Variants in PDS5B observed in about 807,000 individuals in gnomAD.
PDS5B encodes sister chromatid cohesion protein PDS5 homolog B.
In PDS5B, 51 loss-of-function variants were observed where a neutral mutation model predicts 184.1. That is an observed-to-expected ratio of 0.28 (90% confidence interval 0.22 to 0.35). PDS5B has a LOEUF of 0.35. Ranked by LOEUF, PDS5B falls within the 10% of genes least tolerant of loss-of-function variation. The probability of loss-of-function intolerance (pLI) is 1.00; values close to 1 mark genes in which losing one functional copy is unlikely to be tolerated. For synonymous variants in PDS5B, 566 were observed against 569.2 expected (o/e 0.99, Z 0.08); for missense variants, 1,180 against 1,723.3 (o/e 0.68, Z 5.58).
intron 21 of PDS5B, among the ~76,000 whole-genome samples, chr13:32,738,804 T>C (rs1380427723): frequency 6.6e-6 from 1 of 152,058 alleles, no homozygotes; most frequent in Non-Finnish European, 1.5e-5. Context: ...CCCGAGTAGC[T>C]GGGACTACAG....
intron 1 of PDS5B, among the ~76,000 whole-genome samples, chr13:32,628,571 T>C (rs1453630408): frequency 6.6e-6 from 1 of 150,910 alleles, no homozygotes; most frequent in Non-Finnish European, 1.5e-5. Flanking sequence ...AAAAAAATTA[T>C]GCTCTATACT....
chr13:32,605,486 T>C (rs1293701590), intron 1 of PDS5B, among the ~76,000 whole-genome samples: 1 of 152,230 alleles, frequency 6.6e-6, no homozygotes, highest in Non-Finnish European at 1.5e-5. Flanking sequence ...AGTGCTTTAC[T>C]TCCAACTATG....
intron 3 of PDS5B, among the ~76,000 whole-genome samples, chr13:32,656,573 A>G (rs1161526035): frequency 6.9e-6 from 1 of 144,402 alleles, no homozygotes; most frequent in Non-Finnish European, 1.5e-5. Context: ...CTGTATTCCT[A>G]GGTATTTTAT....
At chr13:32,725,352 A>G (rs976187888) in intron 19 of PDS5B, among the ~76,000 whole-genome samples, 16 of 152,122 alleles carry the variant, frequency 1.1e-4, no homozygotes, top group Non-Finnish European at 2.2e-4. Flanking sequence ...CCCGTGTATA[A>G]TCTTGGAAGC....
chr13:32,621,591 A>G (rs2058302387), intron 1 of PDS5B, among the ~76,000 whole-genome samples: 1 of 152,164 alleles, frequency 6.6e-6, no homozygotes, highest in South Asian at 2.1e-4. Context: ...TCTTTTTGGG[A>G]AGATTTTAAC....
rs1241841894 is a variant in PDS5B at position 32,776,800 on chromosome 13, A to G, written c.*1748A>G. On this transcript the variant is annotated 3_prime_UTR_variant, in exon 35 of 35. Transcript: ENST00000315596. ...CAATTGATGTGATTATTTTTCTTTTAAAGATTTGTTTGTGTTTATGAAACA... is the reference window on the plus strand; with the variant it reads ...CAATTGATGTGATTATTTTTCTTTTGAAGATTTGTTTGTGTTTATGAAACA... 2 of 152,478 alleles carry G rather than the reference A, an allele frequency of 1.3e-5. No individual in the cohort carries two copies. Among genetic ancestry groups the G allele is most frequent in the Admixed American group, 1.3e-4 (2 of 15,244 alleles). The allele number at this position is 152,478 out of a possible 1,614,324, so 9.4% of individuals were successfully genotyped here. A position where few individuals can be genotyped will look rare whatever the true frequency, so the allele number is the denominator to read the frequency against.
intron 21 of PDS5B, 29 bp from the exon 22 acceptor site, chr13:32,741,026 TCATATTTACATTTTAAAGTCCCTGG>T (rs1953524146): frequency 1.9e-6 from 2 of 1,036,982 alleles, no homozygotes; most frequent in Non-Finnish European, 3.0e-6. Context: ...TGAAAAGAAT[TCATATTTACATTTTAAAGTCCCTGG>T]TTTTTTTTTT....
rs1463389825 is a variant in PDS5B, at chr13:32,696,913, T to G, written c.1600+11T>G. ...TGATGGTTATTACAAGTAAGTTATT[T>G]TAAAATCTGTATAAAAATGTAATTT... On this transcript the variant is annotated intron_variant, in intron 15 of 34. Transcript: ENST00000315596. The G allele has an allele frequency of 2.1e-6, 3 of 1,452,700 alleles. No homozygotes were observed. In the Admixed American group the frequency reaches 5.6e-5, roughly 27 times the overall value. The allele number at this position is 1,452,700 out of a possible 1,614,324, so 90.0% of individuals were successfully genotyped here.
intron 1 of PDS5B, among the ~76,000 whole-genome samples, chr13:32,607,487 A>G (rs1304728794): frequency 6.6e-6 from 1 of 152,212 alleles, no homozygotes; most frequent in East Asian, 1.9e-4. Flanking sequence ...AGGTGTCTCC[A>G]GTTAGGCTAC....
intron 1 of PDS5B, among the ~76,000 whole-genome samples, chr13:32,602,979 A>C (rs944097591): frequency 6.6e-6 from 1 of 152,132 alleles, no homozygotes; most frequent in South Asian, 2.1e-4. Context: ...AGTTCTTTGT[A>C]GATTCTGGAT....
intron 19 of PDS5B, among the ~76,000 whole-genome samples, chr13:32,711,753 ATGTATG>A (rs932128660): frequency 2.6e-5 from 4 of 152,184 alleles, no homozygotes; most frequent in African/African-American, 4.8e-5. Context: ...GTTTGGTTGT[ATGTATG>A]TGTATGTGTA....
At position 32,773,309 on chromosome 13, in the gene PDS5B, A is replaced by C. The variant is rs775286541; in HGVS notation, c.4293A>C (p.Glu1431Asp). The change falls in exon 34 of 35, where the codon GAA (glutamate) becomes GAC (aspartate). Residue 1431 changes from glutamate to aspartate, a missense_variant. Coordinates refer to ENST00000315596, the MANE Select transcript of PDS5B (RefSeq NM_015032.4). ...CACAGGAAGAAACAGAGGAGGAGGAAGTTTCTACAGTAAATGTATGTGTTC... is the reference window on the plus strand; with the variant it reads ...CACAGGAAGAAACAGAGGAGGAGGACGTTTCTACAGTAAATGTATGTGTTC... ...DIPQEETEEEEVSTVNVRRRS... is the reference protein window; with the variant it reads ...DIPQEETEEEDVSTVNVRRRS... 1 of 1,611,502 alleles carries C rather than the reference A, an allele frequency of 6.2e-7. No homozygotes were observed.
intron 1 of PDS5B, among the ~76,000 whole-genome samples, chr13:32,624,753 G>T (rs547547099): frequency 7.2e-5 from 11 of 152,174 alleles, no homozygotes; most frequent in Middle Eastern, 3.4e-3. Flanking sequence ...CTGAGAAATT[G>T]CTTCTACTGA....
intron 1 of PDS5B, among the ~76,000 whole-genome samples, chr13:32,622,831 T>C (rs983858783): frequency 1.3e-5 from 2 of 152,230 alleles, no homozygotes; most frequent in Non-Finnish European, 2.9e-5. Flanking sequence ...TGTAGGTGCC[T>C]GTTACAACCC....
chr13:32,630,153 T>C (rs2058432056), intron 1 of PDS5B, among the ~76,000 whole-genome samples: 1 of 152,204 alleles, frequency 6.6e-6, no homozygotes, highest in Non-Finnish European at 1.5e-5. Context: ...CACCACAAGC[T>C]CTGCTCCATC....
intron 21 of PDS5B, 49 bp from the exon 22 acceptor site, chr13:32,741,031 T>A: frequency 9.2e-7 from 1 of 1,082,880 alleles, no homozygotes; most frequent in Non-Finnish European, 1.4e-6. Context: ...AGAATTCATA[T>A]TTACATTTTA....
intron 1 of PDS5B, among the ~76,000 whole-genome samples, chr13:32,609,278 T>C (rs1357604307): frequency 6.6e-6 from 1 of 152,226 alleles, no homozygotes; most frequent in Non-Finnish European, 1.5e-5. Context: ...TACTGAAATA[T>C]GAGGCTAGCT....
rs544306461 is a variant in PDS5B, at chr13:32,647,677, AT to A, written c.-19-1076del. 7.2e-3 allele frequency among the ~76,000 whole-genome samples: 1,091 copies of A among 152,268 alleles called. 10 individuals are homozygous for A. Among genetic ancestry groups the A allele is most frequent in the African/African-American group, 0.025 (1,048 of 41,552 alleles). ...TTTTTAGAAGTTCTATTTAAAAAAAATCTTCTAGTTTAGTCTTTATAATTTT... is the reference window on the plus strand; with the variant it reads ...TTTTTAGAAGTTCTATTTAAAAAAAACTTCTAGTTTAGTCTTTATAATTTT... On this transcript the variant is annotated intron_variant, in intron 1 of 34. Coordinates refer to ENST00000315596, the MANE Select transcript of PDS5B (RefSeq NM_015032.4).
At chr13:32,605,626 T>C (rs2058048572) in intron 1 of PDS5B, among the ~76,000 whole-genome samples, 1 of 152,166 alleles carries the variant, frequency 6.6e-6, no homozygotes, top group Admixed American at 6.5e-5. Context: ...CTGGATATCC[T>C]TGTTAACTTT....
Sources: allele counts gnomAD v4.1 joint callset (sites outside exome capture counted in the v4.1 genomes callset), GRCh38; gene constraint gnomAD v4.1.1; transcripts MANE v1.5; gene names NCBI Gene and HGNC (gene_info 2026-07-23, HGNC 2026-07-21).